The following ZBED6 variants were observed in gnomAD, a reference collection of about 807,000 sequenced individuals.
ZBED6 encodes the protein zinc finger BED-type containing 6, also known as zinc finger BED domain-containing protein 6.
A neutral mutation model predicts 58.4 loss-of-function variants in ZBED6; 40 were observed. The observed-to-expected ratio is 0.68, with a 90% CI of 0.53 to 0.89. The LOEUF (loss-of-function observed/expected upper bound fraction) is 0.89. Ranked by LOEUF, ZBED6 falls within the 40% of genes least tolerant of loss-of-function variation. The pLI is 0.00. For synonymous variants in ZBED6, 439 were observed against 350.6 expected (o/e 1.25, Z -2.82); for missense variants, 1,057 against 1,003.9 (o/e 1.05, Z -0.71).
exon 1 of ZBED6, chr1:203,800,352 C>A: frequency 1.1e-6 from 1 of 929,490 alleles, no homozygotes; most frequent in Non-Finnish European, 1.7e-6. Context: ...ACTGATGTTT[C>A]TGAAAATGAA....
At chr1:203,841,859 C>T (rs564520862) in intron 11 of ZBED6, among the ~76,000 whole-genome samples, 51 of 142,524 alleles carry the variant, frequency 3.6e-4, no homozygotes, top group Non-Finnish European at 6.4e-4. Flanking sequence ...GGCTGCCGGG[C>T]GGAGGGGCTC....
At chr1:203,826,198 C>G (rs1680455581) in intron 3 of ZBED6, among the ~76,000 whole-genome samples, 1 of 151,994 alleles carries the variant, frequency 6.6e-6, no homozygotes, top group Non-Finnish European at 1.5e-5. Flanking sequence ...TAAATTCTTC[C>G]TAGTTCTTTG....
intron 1 of ZBED6, chr1:203,806,045 C>T (rs892164159): frequency 3.8e-6 from 2 of 528,710 alleles, no homozygotes; most frequent in Non-Finnish European, 7.4e-6. Flanking sequence ...TGCTGCTGCT[C>T]ATACATCCGC....
chr1:203,833,891 T>A (rs1683330176), intron 9 of ZBED6, 38 bp downstream of exon 9: 1 of 1,580,824 alleles, frequency 6.3e-7, no homozygotes, highest in East Asian at 2.3e-5. Context: ...CTTTTCTACT[T>A]GTTTGTGCAT....
chr1:203,812,810 G>A (rs1222706131), intron 1 of ZBED6, among the ~76,000 whole-genome samples: 1 of 152,020 alleles, frequency 6.6e-6, no homozygotes, highest in Non-Finnish European at 1.5e-5. Flanking sequence ...TTGAACTCCT[G>A]ACCTCAGATG....
At position 203,814,157 on chromosome 1, in the gene ZBED6, C is replaced by G. The variant is rs573702425; in HGVS notation, c.*2555-2769C>G. On this transcript the variant is annotated intron_variant, in intron 1 of 16. Coordinates refer to ENST00000550078, the Ensembl canonical transcript of ZBED6. ...CTTAGAAATCTCCTCAGCTAAAACC[C>G]AAGTTCATTGCTTCCAGGTTCTGCC... Among the ~76,000 whole-genome samples the G allele has an allele frequency of 7.9e-5, 12 of 152,240 alleles. No homozygotes were observed. The East Asian group carries it at 2.1e-3, about 27-fold the overall frequency.
chr1:203,799,594 T>C lies in ZBED6; in HGVS notation c.2072T>C (p.Ile691Thr), dbSNP rs1158399218. 7 of 703,006 alleles carry C rather than the reference T, an allele frequency of 1.0e-5. No individual in the cohort carries two copies. The Admixed American group carries it at 1.2e-4, about 12-fold the overall frequency. 43.5% of individuals were successfully genotyped at this position (703,006 alleles called of 1,614,324 possible). ...ACTCTAATGACTTATGTTTGTGATA[T>C]TCTTAAGCCATTTGAGGAGGCTACC... is the stretch of plus-strand genomic sequence containing the variant. The change falls in exon 1 of 17, where the codon ATT becomes ACT. Residue 691 changes from isoleucine (I) to threonine (T), a missense_variant. Transcript: ENST00000550078.
intron 11 of ZBED6, among the ~76,000 whole-genome samples, chr1:203,841,713 C>T (rs1686276178): frequency 6.6e-6 from 1 of 152,100 alleles, no homozygotes; most frequent in Non-Finnish European, 1.5e-5. Flanking sequence ...GGGCTCCTCA[C>T]TTCCCAGATA....
intron 1 of ZBED6, chr1:203,815,096 C>T (rs985409546): frequency 6.6e-6 from 1 of 151,866 alleles, no homozygotes; most frequent in African/African-American, 2.4e-5. Context: ...TCCCAAAGTG[C>T]TGGGATTACA....
At chr1:203,851,059 T>C in exon 16 of ZBED6, 1 of 1,614,158 alleles carries the variant, frequency 6.2e-7, no homozygotes, top group South Asian at 1.1e-5. Context: ...TTTTGTAGGC[T>C]GTTGTCCCGC....
At chr1:203,836,196 AACAT>A (rs1430321788) in intron 9 of ZBED6, among the ~76,000 whole-genome samples, 1 of 152,210 alleles carries the variant, frequency 6.6e-6, no homozygotes, top group Non-Finnish European at 1.5e-5. Flanking sequence ...CAGTCTGGGC[AACAT>A]AGCAAGACCC....
exon 1 of ZBED6, chr1:203,799,792 C>G: frequency 8.5e-7 from 1 of 1,173,114 alleles, no homozygotes; most frequent in South Asian, 1.3e-5. Context: ...CTACTAAGTG[C>G]CATGCTTAAA....
chr1:203,797,596 C>T (rs1464695641), exon 1 of ZBED6: 2 of 1,533,920 alleles, frequency 1.3e-6, no homozygotes, highest in African/African-American at 2.7e-5. Flanking sequence ...TTTAGTGATT[C>T]TGGGATTCTG....
chr1:203,814,981 C>T (rs2102723177), intron 1 of ZBED6: 1 of 152,044 alleles, frequency 6.6e-6, no homozygotes, highest in African/African-American at 2.4e-5. Context: ...AGGTGTGTGC[C>T]ACCACACCTG....
chr1:203,822,429 C>A (rs1679087253), intron 3 of ZBED6, among the ~76,000 whole-genome samples: 1 of 151,892 alleles, frequency 6.6e-6, no homozygotes, highest in Admixed American at 6.6e-5. Context: ...CTACTTTTGA[C>A]CCCCAACACG....
intron 15 of ZBED6, 119 bp from the exon 16 acceptor site, chr1:203,850,938 T>C: frequency 3.8e-6 from 5 of 1,299,450 alleles, no homozygotes; most frequent in Non-Finnish European, 1.1e-6. Flanking sequence ...TTATCGATTC[T>C]TAGATTCACA....
At chr1:203,828,478 T>C (rs753160459) in intron 4 of ZBED6, 56 bp downstream of exon 4, 8 of 1,546,386 alleles carry the variant, frequency 5.2e-6, no homozygotes, top group South Asian at 1.2e-5. Flanking sequence ...TTATGCACAC[T>C]GTACAACAGT....
intron 11 of ZBED6, among the ~76,000 whole-genome samples, chr1:203,842,133 A>G (rs1419765790): frequency 3.7e-5 from 5 of 133,648 alleles, no homozygotes; most frequent in Admixed American, 7.5e-5. Context: ...GCTGGGCGGA[A>G]GGGCTCCTCA....
At chr1:203,850,466 T>C in intron 14 of ZBED6, 49 bp from the exon 15 acceptor site, 3 of 1,603,446 alleles carry the variant, frequency 1.9e-6, no homozygotes, top group Non-Finnish European at 2.6e-6. Flanking sequence ...ATTCCCCATT[T>C]AAAAGAGTCT....
Sources: gnomAD v4.1 joint callset for allele counts (sites outside exome capture counted in the v4.1 genomes callset) on GRCh38, gnomAD v4.1.1 for gene constraint, MANE v1.5 for transcripts, NCBI Gene and HGNC (gene_info 2026-07-23, HGNC 2026-07-21) for gene names.